The following GALNT17 variants were observed in gnomAD, a reference collection of about 807,000 sequenced individuals.
The protein encoded by GALNT17 is polypeptide N-acetylgalactosaminyltransferase 17, also known as UDP-GalNAc:polypeptide N-acetylgalactosaminyltransferase-like 3.
GALNT17 carries 29 observed loss-of-function variants against 63.7 expected under a neutral mutation model. That is an observed-to-expected ratio of 0.46 (90% CI 0.34 to 0.62). GALNT17 has a LOEUF of 0.62. Among genes scored for constraint, GALNT17 ranks in the 20% least tolerant of loss-of-function variants. The probability of loss-of-function intolerance (pLI) is 0.01; values close to 1 mark genes in which losing one functional copy is unlikely to be tolerated. For synonymous variants in GALNT17, 305 were observed against 318.3 expected (o/e 0.96, Z 0.45); for missense variants, 603 against 799.6 (o/e 0.75, Z 2.97).
intron 5 of GALNT17, among the ~76,000 whole-genome samples, chr7:71,544,850 G>GT (rs5884844): frequency 0.26 from 38,324 of 146,978 alleles, 5,208 homozygotes; most frequent in Admixed American, 0.31. Context: ...CTGAGCTTTA[G>GT]TTTTTTTTTT....
At chr7:71,174,758 A>G (rs1379546038) in intron 1 of GALNT17, among the ~76,000 whole-genome samples, 2 of 152,138 alleles carry the variant, frequency 1.3e-5, no homozygotes, top group South Asian at 2.1e-4. Context: ...CAATGGTGGA[A>G]TGTCATCAGT....
intron 5 of GALNT17, among the ~76,000 whole-genome samples, chr7:71,492,104 A>AC (rs1348191958): frequency 6.6e-6 from 1 of 152,166 alleles, no homozygotes; most frequent in South Asian, 2.1e-4. Context: ...ACATGGTGAA[A>AC]CCCCGTCTCT....
chr7:71,685,741 CACATCCAAGTGAGCATCTAT>C (rs1791343848), intron 9 of GALNT17: 1 of 152,120 alleles, frequency 6.6e-6, no homozygotes, highest in Non-Finnish European at 1.5e-5. Flanking sequence ...AGATCACCCT[CACATCCAAGTGAGCATCTAT>C]TTAGGATAAT....
At chr7:71,160,240 C>A (rs550293100) in intron 1 of GALNT17, among the ~76,000 whole-genome samples, 1 of 152,150 alleles carries the variant, frequency 6.6e-6, no homozygotes, top group Non-Finnish European at 1.5e-5. Context: ...TAAGATCATA[C>A]TCATGTATAA....
intron 5 of GALNT17, among the ~76,000 whole-genome samples, chr7:71,455,709 G>A (rs1041785832): frequency 2.0e-5 from 3 of 152,122 alleles, no homozygotes; most frequent in Non-Finnish European, 4.4e-5. Flanking sequence ...ACGGGGCATA[G>A]GGACTTCATC....
chr7:71,518,650 C>G (rs1788480525), intron 5 of GALNT17, among the ~76,000 whole-genome samples: 1 of 152,182 alleles, frequency 6.6e-6, no homozygotes, highest in Non-Finnish European at 1.5e-5. Flanking sequence ...AAGCAGCTTT[C>G]TCTAAACAGG....
intron 9 of GALNT17, among the ~76,000 whole-genome samples, chr7:71,684,665 A>T (rs1438323778): frequency 6.6e-6 from 1 of 151,882 alleles, no homozygotes; most frequent in African/African-American, 2.4e-5. Flanking sequence ...CATCCCCCCG[A>T]CTTTATTTTT....
intron 1 of GALNT17, among the ~76,000 whole-genome samples, chr7:71,177,816 A>G (rs190731522): frequency 1.3e-5 from 2 of 152,324 alleles, no homozygotes; most frequent in Admixed American, 6.5e-5. Flanking sequence ...ATATGAAGAC[A>G]TTTACTTTTA....
At chr7:71,566,961 G>A (rs117665224) in intron 5 of GALNT17, among the ~76,000 whole-genome samples, 2 of 152,260 alleles carry the variant, frequency 1.3e-5, no homozygotes, top group East Asian at 1.9e-4. Flanking sequence ...GAGCCCCTCA[G>A]GAACTGCTCA....
chr7:71,432,732 C>G (rs936716950), intron 5 of GALNT17, among the ~76,000 whole-genome samples: 1 of 152,142 alleles, frequency 6.6e-6, no homozygotes, highest in Non-Finnish European at 1.5e-5. Flanking sequence ...CTTTGGGAGG[C>G]CAAGGCAGGA....
intron 5 of GALNT17, among the ~76,000 whole-genome samples, chr7:71,479,911 A>G (rs899542973): frequency 1.3e-5 from 2 of 152,154 alleles, no homozygotes; most frequent in Admixed American, 6.5e-5. Context: ...TTCTGTGATC[A>G]TGGCCAGAGA....
At chr7:71,454,428 G>A (rs1160790185) in intron 5 of GALNT17, among the ~76,000 whole-genome samples, 1 of 152,118 alleles carries the variant, frequency 6.6e-6, no homozygotes, top group African/African-American at 2.4e-5. Context: ...ATATTCCATG[G>A]TGTATATGTA....
intron 1 of GALNT17, among the ~76,000 whole-genome samples, chr7:71,227,066 G>C (rs1000654923): frequency 7.5e-5 from 11 of 146,780 alleles, no homozygotes; most frequent in African/African-American, 2.7e-4. Context: ...TGCTGAGCAT[G>C]ATGGCTCACT....
Position 71,662,787 on chromosome 7 carries a change from T to C in GALNT17, c.1081-2624T>C, listed in dbSNP as rs77968872. On this transcript the variant is annotated intron_variant, in intron 6 of 10. Coordinates refer to ENST00000333538, the MANE Select transcript of GALNT17 (RefSeq NM_022479.3). The stretch of plus-strand genomic sequence containing the variant: ...ATTAATCAATTGTTGGGACATTTGC[T>C]TAATCCAAGGTCATGAATTTTTACT... Among the ~76,000 whole-genome samples, 445 of 152,376 alleles carry C rather than the reference T, an allele frequency of 2.9e-3. 2 individuals are homozygous for C. The highest frequency in any genetic ancestry group is 0.01 in the African/African-American group (428 of 41,588).
At chr7:71,435,695 T>A (rs776447705) in intron 5 of GALNT17, among the ~76,000 whole-genome samples, 1 of 152,036 alleles carries the variant, frequency 6.6e-6, no homozygotes, top group Non-Finnish European at 1.5e-5. Flanking sequence ...CTCAACTCAC[T>A]GGCCTTCCCC....
intron 1 of GALNT17, among the ~76,000 whole-genome samples, chr7:71,233,354 C>T (rs540052507): frequency 1.3e-5 from 2 of 152,256 alleles, no homozygotes; most frequent in South Asian, 2.1e-4. Flanking sequence ...CCTGGATGAG[C>T]GCATCCTCCA....
intron 6 of GALNT17, among the ~76,000 whole-genome samples, chr7:71,617,312 G>GC (rs1423286884): frequency 6.7e-6 from 1 of 149,468 alleles, no homozygotes; most frequent in Non-Finnish European, 1.5e-5. Flanking sequence ...TGCAGGGGCG[G>GC]GGGGGGTTGG....
chr7:71,439,611 C>T (rs977164270), intron 5 of GALNT17, among the ~76,000 whole-genome samples: 2 of 152,204 alleles, frequency 1.3e-5, no homozygotes, highest in Non-Finnish European at 1.5e-5. Flanking sequence ...TGACTTTTCT[C>T]CTCCCTTGTA....
chr7:71,393,951 G>A (rs1055220055), intron 3 of GALNT17, among the ~76,000 whole-genome samples: 2 of 151,822 alleles, frequency 1.3e-5, no homozygotes, highest in Admixed American at 1.3e-4. Context: ...GGGGTGTATC[G>A]CTCCTCCTGG....
Sources: allele counts gnomAD v4.1 joint callset (sites outside exome capture counted in the v4.1 genomes callset), GRCh38; gene constraint gnomAD v4.1.1; transcripts MANE v1.5; gene names NCBI Gene and HGNC (gene_info 2026-07-23, HGNC 2026-07-21).